The following PACS1 variants were observed in gnomAD, a reference collection of about 807,000 sequenced individuals.
PACS1 encodes PACS-1.
PACS1 carries 24 observed loss-of-function variants against 115.0 expected under a neutral mutation model. The observed-to-expected ratio is 0.21, with a 90% CI of 0.15 to 0.29. PACS1 has a LOEUF of 0.29. PACS1 is among the 10% of genes least tolerant of loss of function. The pLI is 1.00. For missense variants in PACS1, 838 were observed against 1,251.2 expected (o/e 0.67, Z 4.98); for synonymous variants, 453 against 504.5 (o/e 0.90, Z 1.37).
chr11:66,206,798 G>T (rs964821745), intron 2 of PACS1, among the ~76,000 whole-genome samples: 3 of 152,202 alleles, frequency 2.0e-5, no homozygotes, highest in Non-Finnish European at 1.5e-5. Flanking sequence ...GGCCATGCAG[G>T]TATCTGGAGG....
chr11:66,241,525 C>T lies in PACS1; in HGVS notation c.2528C>T (p.Ala843Val), dbSNP rs774588715. 113 of 1,614,070 alleles carry T rather than the reference C, an allele frequency of 7.0e-5. No individual in the cohort carries two copies. Among genetic ancestry groups the T allele is most frequent in the Non-Finnish European group, 9.3e-5 (110 of 1,180,022 alleles). Residue 843 changes from alanine to valine, a missense_variant, in exon 22 of 24, where the codon GCC becomes GTC. Ala to Val is a moderately conservative substitution (Grantham distance 64). Transcript: ENST00000320580. ...ERRREGDKRDASSKNTLKSVF... is the reference protein window; with the variant it reads ...ERRREGDKRDVSSKNTLKSVF... The stretch of plus-strand genomic sequence containing the variant: ...AGGAGGGAAGGCGACAAGAGGGACG[C>T]CAGCTCGAAGAACACCCTCAAGAGT...
In PACS1 at chr11:66,216,106, C is replaced by A. The variant is rs1250746780; in HGVS notation, c.661-13C>A. The A allele has an allele frequency of 6.2e-7, 1 of 1,613,590 alleles. No individual in the cohort carries two copies. The highest frequency in any genetic ancestry group is 1.7e-5 in the Admixed American group (1 of 59,972). On this transcript the variant is annotated splice_polypyrimidine_tract_variant and intron_variant, in intron 4 of 23. Coordinates refer to ENST00000320580, the MANE Select transcript of PACS1 (RefSeq NM_018026.4). Reference sequence around the variant, plus strand: ...TGTAGTAACACGCCTCCACCACCTCCCCTGGCTCCTAGGTGATGCAGCATC... The same window carrying A: ...TGTAGTAACACGCCTCCACCACCTCACCTGGCTCCTAGGTGATGCAGCATC...
Position 66,192,128 on chromosome 11 carries a change from A to G in PACS1, c.357-1358A>G, listed in dbSNP as rs750756206. ...TTAAAAAAAAAACAAAACATGAATT[A>G]TATTAATTTCTTCACATACTCTTGT... is the stretch of plus-strand genomic sequence containing the variant. On this transcript the variant is annotated intron_variant, in intron 1 of 23. Coordinates refer to ENST00000320580, the MANE Select transcript of PACS1 (RefSeq NM_018026.4). Among the ~76,000 whole-genome samples the G allele has an allele frequency of 4.5e-4, 69 of 152,168 alleles. 1 individual carries two copies. Among genetic ancestry groups the G allele is most frequent in the Non-Finnish European group, 5.9e-5 (4 of 68,028 alleles).
At chr11:66,140,986 G>T (rs1858968750) in intron 1 of PACS1, among the ~76,000 whole-genome samples, 1 of 151,856 alleles carries the variant, frequency 6.6e-6, no homozygotes, top group Non-Finnish European at 1.5e-5. Flanking sequence ...TTATTGTATG[G>T]TTCTACCATA....
intron 1 of PACS1, among the ~76,000 whole-genome samples, chr11:66,117,712 G>A (rs900409351): frequency 1.7e-4 from 26 of 151,822 alleles, no homozygotes; most frequent in African/African-American, 6.3e-4. Flanking sequence ...TGGGCATAGT[G>A]GCGCATGCCT....
Position 66,235,818 on chromosome 11 carries a change from T to G in PACS1, c.2208-80T>G. 1.1e-3 allele frequency: 1,280 copies of G among 1,163,410 alleles called. No homozygotes were observed. Among genetic ancestry groups the G allele is most frequent in the Non-Finnish European group, 1.5e-3 (1,171 of 770,068 alleles). 72.1% of individuals were successfully genotyped at this position (1,163,410 alleles called of 1,614,324 possible). ...ATCCTGGACTCTGCTGCAGCCACAGTGAGATAGGAAAGGCCAATTCCCCAG... is the reference window on the plus strand; with the variant it reads ...ATCCTGGACTCTGCTGCAGCCACAGGGAGATAGGAAAGGCCAATTCCCCAG... On this transcript the variant is annotated intron_variant, in intron 18 of 23. Coordinates refer to ENST00000320580, the MANE Select transcript of PACS1 (RefSeq NM_018026.4). The surrounding 1 kb of genome is among the most constrained non-coding windows in gnomAD (Gnocchi z 5.6).
intron 2 of PACS1, among the ~76,000 whole-genome samples, chr11:66,196,752 C>T (rs1854660840): frequency 6.6e-6 from 1 of 152,128 alleles, no homozygotes; most frequent in African/African-American, 2.4e-5. Flanking sequence ...CACCCACCAC[C>T]ATGCCTGGCT....
intron 1 of PACS1, among the ~76,000 whole-genome samples, chr11:66,088,360 T>G (rs374152590): frequency 2.2e-3 from 329 of 152,302 alleles, no homozygotes; most frequent in South Asian, 0.011. Flanking sequence ...TCCTCTACTG[T>G]TTTCTTCTAA....
intron 1 of PACS1, among the ~76,000 whole-genome samples, chr11:66,079,353 A>G (rs1271060513): frequency 4.3e-4 from 38 of 89,056 alleles, no homozygotes; most frequent in East Asian, 1.3e-3. Flanking sequence ...GGTCTGGGTA[A>G]AAAAAAAAAA....
chr11:66,076,238 C>T (rs898635031), intron 1 of PACS1, among the ~76,000 whole-genome samples: 2 of 152,160 alleles, frequency 1.3e-5, no homozygotes, highest in East Asian at 3.8e-4. Context: ...GACACCTTAG[C>T]GGTTATGTGA....
At chr11:66,162,318 C>T (rs1298838251) in intron 1 of PACS1, among the ~76,000 whole-genome samples, 2 of 151,952 alleles carry the variant, frequency 1.3e-5, no homozygotes, top group African/African-American at 4.8e-5. Context: ...GACAGGGTTT[C>T]TCCATGTTGA....
At chr11:66,135,298 G>A (rs1006644704) in intron 1 of PACS1, among the ~76,000 whole-genome samples, 3 of 152,096 alleles carry the variant, frequency 2.0e-5, no homozygotes, top group East Asian at 1.9e-4. Flanking sequence ...TTAGTGGTGT[G>A]TCCATATCAA....
chr11:66,211,385 T>A (rs1267536938), intron 4 of PACS1, 126 bp downstream of exon 4: 1 of 894,530 alleles, frequency 1.1e-6, no homozygotes, highest in Non-Finnish European at 1.6e-6. Flanking sequence ...TAATTCTGTT[T>A]TACGAGTTAA....
chr11:66,238,213 A>T (rs1467551126), intron 19 of PACS1: 1 of 985,176 alleles, frequency 1.0e-6, no homozygotes, highest in East Asian at 1.1e-4. Flanking sequence ...AAGACCAGAG[A>T]GGAGAAGGCT....
At chr11:66,082,724 G>A (rs1279230869) in intron 1 of PACS1, among the ~76,000 whole-genome samples, 1 of 152,082 alleles carries the variant, frequency 6.6e-6, no homozygotes, top group Non-Finnish European at 1.5e-5. Context: ...GGCGTGTGGC[G>A]GTCGCCTGTA....
Position 66,222,443 on chromosome 11 carries a change from G to C in PACS1, c.1293+1196G>C, listed in dbSNP as rs1434134626. ...GCTCCGCCCCTCCTAGAAAGGCCCTGCTCCCTCAGCAGATCACAGGCAGGG... is the reference window on the plus strand; with the variant it reads ...GCTCCGCCCCTCCTAGAAAGGCCCTCCTCCCTCAGCAGATCACAGGCAGGG... On this transcript the variant is annotated intron_variant, in intron 10 of 23. Coordinates refer to ENST00000320580, the MANE Select transcript of PACS1 (RefSeq NM_018026.4). Among the ~76,000 whole-genome samples, 8 of 152,124 alleles carry C rather than the reference G, an allele frequency of 5.3e-5. 1 individual carries two copies. The highest frequency in any genetic ancestry group is 1.9e-4 in the African/African-American group (8 of 41,416).
intron 1 of PACS1, among the ~76,000 whole-genome samples, chr11:66,187,583 T>A (rs1854412319): frequency 6.6e-6 from 1 of 152,218 alleles, no homozygotes; most frequent in African/African-American, 2.4e-5. Flanking sequence ...TCCCAGCTTA[T>A]TTCACTTAAC....
chr11:66,104,270 T>A (rs960555628), intron 1 of PACS1, among the ~76,000 whole-genome samples: 4 of 152,134 alleles, frequency 2.6e-5, no homozygotes, highest in African/African-American at 9.7e-5. Context: ...GAAAGGAAAT[T>A]GCAAATGTCA....
At chr11:66,168,036 A>G (rs1859646992) in intron 1 of PACS1, among the ~76,000 whole-genome samples, 1 of 150,262 alleles carries the variant, frequency 6.7e-6, no homozygotes, top group African/African-American at 2.5e-5. Flanking sequence ...CAGCATCCCA[A>G]GTAACTGGAT....
Sources: allele counts gnomAD v4.1 joint callset (sites outside exome capture counted in the v4.1 genomes callset), GRCh38; gene constraint gnomAD v4.1.1; non-coding constraint Gnocchi (gnomAD v3.1); transcripts MANE v1.5; gene names NCBI Gene and HGNC (gene_info 2026-07-23, HGNC 2026-07-21).